The following PHEX variants were observed in gnomAD, a reference collection of about 807,000 sequenced individuals.
PHEX encodes the protein phosphate-regulating neutral endopeptidase PHEX.
Under a neutral mutation model 68.0 loss-of-function variants are expected in PHEX, and 16 were observed. That is an observed-to-expected ratio of 0.24 (90% CI 0.16 to 0.36). The LOEUF (loss-of-function observed/expected upper bound fraction) is 0.36, where lower values mean the gene tolerates loss of function less well. Among genes scored for constraint, PHEX ranks in the 10% least tolerant of loss-of-function variants. The pLI is 1.00. For missense variants in PHEX, 480 were observed against 575.5 expected (o/e 0.83, Z 1.70); for synonymous variants, 208 against 205.1 (o/e 1.01, Z -0.12).
chrX:22,036,440 G>A (rs1388327058), intron 1 of PHEX, among the ~76,000 whole-genome samples: 2 of 110,842 alleles, frequency 1.8e-5, no homozygotes, highest in African/African-American at 6.6e-5. Flanking sequence ...TGAGGTTTTG[G>A]GTCAAGAATT....
At chrX:22,207,437 C>CT (rs1360851339) in intron 15 of PHEX, among the ~76,000 whole-genome samples, 5 of 109,775 alleles carry the variant, frequency 4.6e-5, no homozygotes, top group Admixed American at 9.7e-5. Flanking sequence ...ACACACACTT[C>CT]TTTTTTTTTG....
At chrX:22,064,375 C>T (rs890229879) in intron 3 of PHEX, among the ~76,000 whole-genome samples, 2 of 111,438 alleles carry the variant, frequency 1.8e-5, no homozygotes, top group African/African-American at 6.5e-5. Context: ...TTATTTAGCT[C>T]GCATTTATAA....
In PHEX at chrX:22,047,588, A is replaced by G. The variant is rs754339528; in HGVS notation, c.349+377A>G. Among the ~76,000 whole-genome samples, 39 of 112,143 alleles carry G rather than the reference A, an allele frequency of 3.5e-4. 1 individual carries two copies. Among genetic ancestry groups the G allele is most frequent in the Admixed American group, 3.3e-3 (35 of 10,504 alleles). ...GTCCTGGATTTTCATGGCTTACAAA[A>G]TGTACTTAACACCTCATCATCTTTT... On this transcript the variant is annotated intron_variant, in intron 3 of 21. Coordinates refer to ENST00000379374, the MANE Select transcript of PHEX (RefSeq NM_000444.6).
intron 15 of PHEX, among the ~76,000 whole-genome samples, chrX:22,212,597 CA>C (rs1934964257): frequency 8.9e-6 from 1 of 112,162 alleles, no homozygotes. Context: ...CTATATCAGG[CA>C]AAGCTGCTGG....
At chrX:22,151,730 CCT>C (rs1271366062) in intron 12 of PHEX, among the ~76,000 whole-genome samples, 2 of 111,958 alleles carry the variant, frequency 1.8e-5, no homozygotes, top group Admixed American at 9.5e-5. Context: ...GAGAGCCTGT[CCT>C]CTCTGCTTTC....
chrX:22,108,053 G>A (rs1427649893), intron 9 of PHEX, among the ~76,000 whole-genome samples: 1 of 111,559 alleles, frequency 9.0e-6, no homozygotes, highest in Non-Finnish European at 1.9e-5. Flanking sequence ...CGTTCCTCAT[G>A]GCATCTGGCA....
At chrX:22,039,175 G>A (rs945769092) in intron 2 of PHEX, among the ~76,000 whole-genome samples, 21 of 111,876 alleles carry the variant, frequency 1.9e-4, no homozygotes, top group African/African-American at 6.5e-4. Flanking sequence ...CACCTTGTTG[G>A]CCACACTGAT....
Position 22,232,596 on chromosome X carries a change from C to CTTTTTTTTT in PHEX, c.2070+5007_2070+5015dup, listed in dbSNP as rs745474280. ...TCAGAGATTAGGATTGCCACTTCTG[C>CTTTTTTTTT]TTTTTTTTTTTTTTTTTTTTTTTTT... On this transcript the variant is annotated intron_variant, in intron 20 of 21. Transcript: ENST00000379374. 3.7e-3 allele frequency among the ~76,000 whole-genome samples: 69 copies of CTTTTTTTTT among 18,542 alleles called. 10 individuals carry two copies. Among genetic ancestry groups the CTTTTTTTTT allele is most frequent in the Non-Finnish European group, 4.9e-3 (48 of 9,731 alleles). 16.1% of individuals were successfully genotyped at this position (18,542 alleles called of 115,157 possible). A position where few individuals can be genotyped will look rare whatever the true frequency, so the allele number is the denominator to read the frequency against.
At chrX:22,139,611 A>G (rs1039021915) in intron 12 of PHEX, among the ~76,000 whole-genome samples, 1 of 109,610 alleles carries the variant, frequency 9.1e-6, no homozygotes, top group Non-Finnish European at 1.9e-5. Context: ...GAGTATCTGG[A>G]ACTATAGGTG....
chrX:22,116,581 G>A lies in PHEX; in HGVS notation c.1302+1995G>A, dbSNP rs1468502386. Among the ~76,000 whole-genome samples, 3 of 111,027 alleles carry A rather than the reference G, an allele frequency of 2.7e-5. No homozygotes were observed. The Admixed American group carries it at 2.9e-4, about 11-fold the overall frequency. On this transcript the variant is annotated intron_variant, in intron 11 of 21. Coordinates refer to ENST00000379374, the MANE Select transcript of PHEX (RefSeq NM_000444.6). ...GTAGTGATACATAATAATACCAAATGGTTGGTATTATGTATCAGTACATAG... is the reference window on the plus strand; with the variant it reads ...GTAGTGATACATAATAATACCAAATAGTTGGTATTATGTATCAGTACATAG...
chrX:22,243,035 G>A (rs1035967111), intron 20 of PHEX, among the ~76,000 whole-genome samples: 7 of 111,800 alleles, frequency 6.3e-5, no homozygotes, highest in Admixed American at 3.8e-4. Flanking sequence ...AAACTTTACT[G>A]CAAGGCTGCG....
chrX:22,094,739 A>G lies in PHEX; in HGVS notation c.849+640A>G, dbSNP rs754296312. 3.6e-5 allele frequency among the ~76,000 whole-genome samples: 4 copies of G among 112,400 alleles called. No individual in the cohort carries two copies. The South Asian group carries it at 1.1e-3, about 31-fold the overall frequency. Reference sequence around the variant, plus strand: ...ATACATGACACAGAACTACATGTCTATGTAAATTACCTTAACTTCTTGTTG... The same window carrying G: ...ATACATGACACAGAACTACATGTCTGTGTAAATTACCTTAACTTCTTGTTG... On this transcript the variant is annotated intron_variant, in intron 7 of 21. Coordinates refer to ENST00000379374, the MANE Select transcript of PHEX (RefSeq NM_000444.6).
chrX:22,245,948 G>A (rs1936379022), intron 21 of PHEX, among the ~76,000 whole-genome samples: 1 of 111,576 alleles, frequency 9.0e-6, no homozygotes, highest in African/African-American at 3.3e-5. Context: ...CTTTCACACA[G>A]TCAACCAGCA....
At chrX:22,073,256 C>G (rs1928985919) in intron 3 of PHEX, among the ~76,000 whole-genome samples, 1 of 113,243 alleles carries the variant, frequency 8.8e-6, no homozygotes, top group Admixed American at 9.3e-5. Context: ...TAAGTCACCA[C>G]TTACTGATCC....
chrX:22,097,938 T>C, intron 8 of PHEX: 1 of 176,960 alleles, frequency 5.7e-6, no homozygotes. Flanking sequence ...TAGCTAATTT[T>C]TGTATTTTTG....
intron 3 of PHEX, among the ~76,000 whole-genome samples, chrX:22,061,677 A>G (rs1356571539): frequency 9.0e-6 from 1 of 111,506 alleles, no homozygotes; most frequent in Non-Finnish European, 1.9e-5. Flanking sequence ...AGAGGCACCA[A>G]GCAGTATAAC....
At chrX:22,233,748 G>T (rs998598057) in intron 20 of PHEX, among the ~76,000 whole-genome samples, 2 of 111,417 alleles carry the variant, frequency 1.8e-5, no homozygotes, top group Non-Finnish European at 3.8e-5. Flanking sequence ...CTTGCATTGG[G>T]TTAGAACAAT....
intron 9 of PHEX, among the ~76,000 whole-genome samples, chrX:22,105,469 A>C (rs910858907): frequency 1.1e-4 from 12 of 112,101 alleles, no homozygotes; most frequent in Non-Finnish European, 1.7e-4. Flanking sequence ...ACAAGTTCTC[A>C]GATGACGCTG....
chrX:22,076,349 G>A (rs1929149082), intron 3 of PHEX, 39 bp from the exon 4 acceptor site: 2 of 1,000,871 alleles, frequency 2.0e-6, no homozygotes, highest in African/African-American at 3.7e-5. Flanking sequence ...GGCACCATAT[G>A]TGGGTGGATA....
Sources: allele counts gnomAD v4.1 joint callset (sites outside exome capture counted in the v4.1 genomes callset), GRCh38; gene constraint gnomAD v4.1.1; transcripts MANE v1.5; gene names NCBI Gene and HGNC (gene_info 2026-07-23, HGNC 2026-07-21).